RBFOX3: variants seen among roughly 807,000 people sequenced by gnomAD.
RBFOX3 encodes the protein RNA binding fox-1 homolog 3, also known as RNA binding protein fox-1 homolog 3.
In RBFOX3, 17 loss-of-function variants were observed where a neutral mutation model predicts 48.7. The observed-to-expected ratio is 0.35, with a 90% CI of 0.24 to 0.52. RBFOX3 has a LOEUF of 0.52. Among genes scored for constraint, RBFOX3 ranks in the 20% least tolerant of loss-of-function variants. The pLI is 0.94. For missense variants in RBFOX3, 382 were observed against 497.5 expected (o/e 0.77, Z 2.21); for synonymous variants, 212 against 209.5 (o/e 1.01, Z -0.10).
intron 1 of RBFOX3, among the ~76,000 whole-genome samples, chr17:79,483,806 C>T (rs957954887): frequency 4.6e-5 from 7 of 152,108 alleles, no homozygotes; most frequent in Non-Finnish European, 1.0e-4. Context: ...AATGAACCCA[C>T]AAAAGTTACT....
chr17:79,288,557 G>T (rs1212632297), intron 3 of RBFOX3, among the ~76,000 whole-genome samples: 1 of 151,960 alleles, frequency 6.6e-6, no homozygotes, highest in Non-Finnish European at 1.5e-5. Flanking sequence ...AACGTGATGG[G>T]CAGTTTCCGT....
At chr17:79,155,055 C>T (rs1235979149) in intron 4 of RBFOX3, among the ~76,000 whole-genome samples, 3 of 152,296 alleles carry the variant, frequency 2.0e-5, no homozygotes, top group Non-Finnish European at 2.9e-5. Context: ...AGTGGGCAGC[C>T]GTGAATGGCG....
intron 2 of RBFOX3, among the ~76,000 whole-genome samples, chr17:79,356,750 T>C (rs1220599697): frequency 2.0e-5 from 3 of 152,144 alleles, no homozygotes; most frequent in Non-Finnish European, 4.4e-5. Flanking sequence ...AAATAATTTC[T>C]TTCCTAAAAT....
intron 4 of RBFOX3, among the ~76,000 whole-genome samples, chr17:79,156,015 G>A (rs978859625): frequency 3.3e-5 from 5 of 152,242 alleles, no homozygotes; most frequent in African/African-American, 9.6e-5. Flanking sequence ...CCCTCCAGGT[G>A]GGCATCATTC....
chr17:79,262,566 C>T (rs2065965005), intron 3 of RBFOX3, among the ~76,000 whole-genome samples: 1 of 152,248 alleles, frequency 6.6e-6, no homozygotes, highest in Non-Finnish European at 1.5e-5. Context: ...GGCAGGACCC[C>T]TTAATCCTAT....
chr17:79,140,032 C>T (rs1158266633), intron 4 of RBFOX3, among the ~76,000 whole-genome samples: 5 of 152,214 alleles, frequency 3.3e-5, no homozygotes, highest in African/African-American at 9.6e-5. Flanking sequence ...CTCCTGGTCC[C>T]GCGGCCCTGC....
At chr17:79,470,558 C>G (rs942533944) in intron 2 of RBFOX3, among the ~76,000 whole-genome samples, 1 of 152,192 alleles carries the variant, frequency 6.6e-6, no homozygotes, top group Non-Finnish European at 1.5e-5. Flanking sequence ...AATCCCTTCC[C>G]CAACATCCTA....
chr17:79,606,444 C>T (rs905981715), intron 1 of RBFOX3, among the ~76,000 whole-genome samples: 1 of 152,302 alleles, frequency 6.6e-6, no homozygotes, highest in East Asian at 1.9e-4. Context: ...TCCAGAATGA[C>T]TCCTTCCACC....
intron 2 of RBFOX3, among the ~76,000 whole-genome samples, chr17:79,386,743 G>A (rs1220863333): frequency 6.6e-6 from 1 of 152,128 alleles, no homozygotes; most frequent in African/African-American, 2.4e-5. Context: ...AGGCTACCCG[G>A]CCCCACCCCC....
chr17:79,421,282 G>A lies in RBFOX3; in HGVS notation c.-175+61172C>T, dbSNP rs782291644. Among the ~76,000 whole-genome samples the A allele has an allele frequency of 1.3e-5, 2 of 152,188 alleles. No individual in the cohort carries two copies. Among genetic ancestry groups the A allele is most frequent in the Non-Finnish European group, 1.5e-5 (1 of 68,030 alleles). On this transcript the variant is annotated intron_variant, in intron 2 of 14. Coordinates refer to ENST00000693108, the MANE Select transcript of RBFOX3 (RefSeq NM_001350451.2). This position sits in a 1 kb window ranked among gnomAD's most constrained non-coding sequence, Gnocchi z 4.5. ...CTGAGCGTGAGAACCATGACTGCTG[G>A]GCTCCGAGGTCCTCTAGCAAACAAC...
chr17:79,508,751 A>C (rs1443250661), intron 1 of RBFOX3: 1 of 150,534 alleles, frequency 6.6e-6, no homozygotes. Flanking sequence ...CACCCCACAC[A>C]CCCCGCACAC....
At chr17:79,499,574 A>G (rs1050852167) in intron 1 of RBFOX3, among the ~76,000 whole-genome samples, 1 of 152,244 alleles carries the variant, frequency 6.6e-6, no homozygotes, top group Non-Finnish European at 1.5e-5. Flanking sequence ...CTGAAATGTG[A>G]GGTACCTACA....
rs2148058147 is a variant in RBFOX3, at chr17:79,243,349, T to C, written c.-73-7544A>G. Among the ~76,000 whole-genome samples the C allele has an allele frequency of 6.6e-6, 1 of 152,268 alleles. No homozygotes were observed. The highest frequency in any genetic ancestry group is 1.9e-4 in the East Asian group (1 of 5,162). ...AAACCCACTGTACTCCTTTTGCTCA[T>C]TGCCGGGTCTAACTCCAACCTGCCT... On this transcript the variant is annotated intron_variant, in intron 3 of 14. Transcript: ENST00000693108. This position sits in a 1 kb window ranked among gnomAD's most constrained non-coding sequence, Gnocchi z 7.9.
chr17:79,611,133 T>C (rs1311684386), upstream of RBFOX3, among the ~76,000 whole-genome samples: 5 of 19,942 alleles, frequency 2.5e-4, no homozygotes, highest in African/African-American at 6.0e-4. Context: ...GCCCTCCTTC[T>C]CTCTCTCTCT....
chr17:79,188,398 G>T (rs1159519747), intron 4 of RBFOX3, among the ~76,000 whole-genome samples: 4 of 152,246 alleles, frequency 2.6e-5, no homozygotes, highest in African/African-American at 9.6e-5. Flanking sequence ...GCGTGCAAAG[G>T]AAGTTTATTT....
At chr17:79,635,762 G>C in the RBFOX3 span, among the ~76,000 whole-genome samples, 35,909 of 152,102 alleles carry the variant, frequency 0.24, 6,071 homozygotes, top group African/African-American at 0.48. Flanking sequence ...CATGAACAAC[G>C]AGTGGGAAAA....
At chr17:79,182,501 C>A (rs1033582887) in intron 4 of RBFOX3, among the ~76,000 whole-genome samples, 7 of 152,166 alleles carry the variant, frequency 4.6e-5, no homozygotes, top group Admixed American at 2.0e-4. Context: ...ACTAATTCCG[C>A]ATTGGGTGGC....
At chr17:79,502,453 G>C (rs1043538927) in intron 1 of RBFOX3, among the ~76,000 whole-genome samples, 2 of 152,172 alleles carry the variant, frequency 1.3e-5, no homozygotes, top group African/African-American at 2.4e-5. Context: ...ACACCACAAG[G>C]TGTGTTCACT....
At chr17:79,226,301 G>A (rs1019983186) in intron 4 of RBFOX3, among the ~76,000 whole-genome samples, 10 of 152,196 alleles carry the variant, frequency 6.6e-5, no homozygotes, top group African/African-American at 2.2e-4. Flanking sequence ...TGGAGCAGAG[G>A]AGGAGTGCAG....
Sources: allele counts gnomAD v4.1 joint callset (sites outside exome capture counted in the v4.1 genomes callset), GRCh38; gene constraint gnomAD v4.1.1; non-coding constraint Gnocchi (gnomAD v3.1); transcripts MANE v1.5; gene names NCBI Gene and HGNC (gene_info 2026-07-23, HGNC 2026-07-21).